CAST: variants seen among roughly 807,000 people sequenced by gnomAD.
The protein encoded by CAST is calpastatin.
CAST carries 76 observed loss-of-function variants against 119.6 expected under a neutral mutation model. The observed-to-expected ratio is 0.64, with a 90% CI of 0.53 to 0.77. CAST has a LOEUF of 0.77. Among genes scored for constraint, CAST ranks in the 30% least tolerant of loss-of-function variants. The pLI, the probability that CAST is intolerant of heterozygous loss-of-function variation, is 0.00. For synonymous variants in CAST, 319 were observed against 331.6 expected, an observed-to-expected ratio of 0.96 and a Z score of 0.41; for missense variants, 953 against 946.5, an observed-to-expected ratio of 1.01 and a Z score of -0.09.
chr5:96,095,973 G>A, the CAST span, among the ~76,000 whole-genome samples: 1 of 152,160 alleles, frequency 6.6e-6, no homozygotes, highest in South Asian at 2.1e-4. Flanking sequence ...CCAAAATATA[G>A]CCAGTTTAAT....
chr5:96,283,421 T>G, the CAST span, among the ~76,000 whole-genome samples: 1 of 152,178 alleles, frequency 6.6e-6, no homozygotes, highest in Non-Finnish European at 1.5e-5. Context: ...TTCACAGATA[T>G]TTTGGTCATC....
In CAST at chr5:96,737,919, A is replaced by C; in HGVS notation, c.770A>C (p.Asn257Thr). The C allele has an allele frequency of 6.2e-7, 1 of 1,600,814 alleles. No homozygotes were observed. The highest frequency in any genetic ancestry group is 8.6e-7 in the Non-Finnish European group (1 of 1,168,036). Residue 257 changes from asparagine to threonine, a missense_variant, in exon 11 of 32, where the codon AAT (asparagine) becomes ACT (threonine). Transcript: ENST00000675179. ...LGGPEETEEENTTYTGPEVSD... is the reference protein window; with the variant it reads ...LGGPEETEEETTTYTGPEVSD... ...GGACCTGAAGAAACTGAAGAAGAAAATACAACGTATACTGGACCAGAAGTT... is the reference window on the plus strand; with the variant it reads ...GGACCTGAAGAAACTGAAGAAGAAACTACAACGTATACTGGACCAGAAGTT...
At chr5:96,225,587 T>G in the CAST span, among the ~76,000 whole-genome samples, 1 of 152,202 alleles carries the variant, frequency 6.6e-6, no homozygotes, top group Non-Finnish European at 1.5e-5. Flanking sequence ...TTGGAAATTT[T>G]CTGAAAAGTT....
chr5:96,742,893 T>A, intron 16 of CAST, 137 bp downstream of exon 16: 2 of 663,794 alleles, frequency 3.0e-6, no homozygotes, highest in South Asian at 3.7e-5. Flanking sequence ...CCTTATTTAT[T>A]GCTGAGTGGT....
chr5:96,599,415 A>T (rs1747106148), intron 1 of CAST, among the ~76,000 whole-genome samples: 1 of 152,244 alleles, frequency 6.6e-6, no homozygotes, highest in African/African-American at 2.4e-5. Flanking sequence ...CAAGTGGAAT[A>T]TAAATGTATC....
the CAST span, among the ~76,000 whole-genome samples, chr5:96,487,961 T>A: frequency 6.6e-6 from 1 of 152,202 alleles, no homozygotes; most frequent in Non-Finnish European, 1.5e-5. Context: ...CACTAACCGT[T>A]AATAACCTCC....
chr5:96,404,340 CA>C, the CAST span, among the ~76,000 whole-genome samples: 1 of 152,200 alleles, frequency 6.6e-6, no homozygotes, highest in Admixed American at 6.5e-5. Flanking sequence ...TAGGCAGATA[CA>C]AGGTCTGAAT....
At chr5:96,034,309 G>A in the CAST span, among the ~76,000 whole-genome samples, 133 of 151,964 alleles carry the variant, frequency 8.8e-4, no homozygotes, top group African/African-American at 2.9e-3. Flanking sequence ...AAGATAACTA[G>A]TGTTGATGAG....
At chr5:96,377,380 C>T in the CAST span, among the ~76,000 whole-genome samples, 1 of 152,270 alleles carries the variant, frequency 6.6e-6, no homozygotes, top group Non-Finnish European at 1.5e-5. Flanking sequence ...CAGCAACTTA[C>T]AGTCCTGAAA....
rs762540481 is a variant in CAST at position 96,754,713 on chromosome 5, C to T, written c.1682C>T (p.Pro561Leu). 1.4e-5 allele frequency: 23 copies of T among 1,608,100 alleles called. No individual in the cohort carries two copies. The Middle Eastern group carries it at 5.0e-4, about 35-fold the overall frequency. The part of the protein sequence containing the change: ...EKLGEKEETI[P>L]PDYRLEEVKD... ...CTTGGTGAAAAAGAAGAAACAATTC[C>T]TCCTGATTATAGATTAGAAGAGGTC... Residue 561 changes from proline to leucine, a missense_variant, in exon 22 of 32, where the codon CCT becomes CTT. Physicochemically the swap from Pro to Leu is moderately conservative, Grantham distance 98. Coordinates refer to ENST00000675179, the MANE Select transcript of CAST (RefSeq NM_001750.7).
intron 1 of CAST, among the ~76,000 whole-genome samples, chr5:96,610,010 T>G (rs1747330841): frequency 6.6e-6 from 1 of 152,176 alleles, no homozygotes; most frequent in African/African-American, 2.4e-5. Flanking sequence ...TCATCTTGAA[T>G]TATAGCTCCC....
At chr5:96,089,644 A>G in the CAST span, among the ~76,000 whole-genome samples, 1 of 152,212 alleles carries the variant, frequency 6.6e-6, no homozygotes, top group Admixed American at 6.5e-5. Flanking sequence ...GGCTGTATGT[A>G]TACATGTGCG....
Position 96,729,222 on chromosome 5 carries a change from C to T in CAST, c.435+13C>T, listed in dbSNP as rs778680780. On this transcript the variant is annotated intron_variant, in intron 7 of 31. Coordinates refer to ENST00000675179, the MANE Select transcript of CAST (RefSeq NM_001750.7). Reference sequence around the variant, plus strand: ...AGAACACACAGAGGTAAATGATTATCATCAGGACTTAATTATAAGGCAACC... The same window carrying T: ...AGAACACACAGAGGTAAATGATTATTATCAGGACTTAATTATAAGGCAACC... 2.0e-6 allele frequency: 3 copies of T among 1,491,800 alleles called. No homozygotes were observed. Among genetic ancestry groups the T allele is most frequent in the Admixed American group, 3.5e-5 (2 of 56,804 alleles). The allele number at this position is 1,491,800 out of a possible 1,614,324, so 92.4% of individuals were successfully genotyped here. A position where few individuals can be genotyped will look rare whatever the true frequency, so the allele number is the denominator to read the frequency against.
the CAST span, among the ~76,000 whole-genome samples, chr5:96,014,423 G>C: frequency 6.6e-6 from 1 of 152,026 alleles, no homozygotes; most frequent in East Asian, 1.9e-4. Context: ...GTGATGAAAA[G>C]TATAGTATAG....
chr5:96,486,546 G>A, the CAST span, among the ~76,000 whole-genome samples: 1 of 152,132 alleles, frequency 6.6e-6, no homozygotes, highest in Non-Finnish European at 1.5e-5. Flanking sequence ...GAACACTAAG[G>A]TTTCATATAG....
chr5:96,583,581 T>A (rs1283908882), intron 1 of CAST, among the ~76,000 whole-genome samples: 1 of 152,210 alleles, frequency 6.6e-6, no homozygotes, highest in African/African-American at 2.4e-5. Context: ...TAAGGACCAA[T>A]GGACTCAATA....
chr5:96,393,602 G>T, the CAST span, among the ~76,000 whole-genome samples: 4 of 152,168 alleles, frequency 2.6e-5, no homozygotes. Flanking sequence ...AACTTCACCT[G>T]TCAGGTGGAA....
At chr5:96,399,582 C>T in the CAST span, among the ~76,000 whole-genome samples, 1 of 151,976 alleles carries the variant, frequency 6.6e-6, no homozygotes, top group Non-Finnish European at 1.5e-5. Context: ...TTGGGTAAAA[C>T]TGGTTGGCAA....
the CAST span, among the ~76,000 whole-genome samples, chr5:96,034,309 G>C: frequency 2.0e-5 from 3 of 151,848 alleles, no homozygotes; most frequent in African/African-American, 4.8e-5. Flanking sequence ...AAGATAACTA[G>C]TGTTGATGAG....
Sources: gnomAD v4.1 joint callset for allele counts (sites outside exome capture counted in the v4.1 genomes callset) on GRCh38, gnomAD v4.1.1 for gene constraint, MANE v1.5 for transcripts, NCBI Gene and HGNC (gene_info 2026-07-23, HGNC 2026-07-21) for gene names.